Variants in NPAS2 observed in about 807,000 individuals in gnomAD.
NPAS2 encodes neuronal PAS domain-containing protein 2.
A neutral mutation model predicts 107.5 loss-of-function variants in NPAS2; 23 were observed. The ratio of observed to expected loss-of-function variants is 0.21; its 90% CI spans 0.15 to 0.30. The LOEUF is 0.30. NPAS2 is among the 10% of genes least tolerant of loss of function. NPAS2 has a pLI of 1.00. For missense variants in NPAS2, 756 were observed against 1,043.3 expected (o/e 0.72, Z 3.79); for synonymous variants, 403 against 417.5 (o/e 0.97, Z 0.42).
At chr2:100,909,218 A>T (rs1427132645) in intron 2 of NPAS2, among the ~76,000 whole-genome samples, 2 of 152,360 alleles carry the variant, frequency 1.3e-5, no homozygotes, top group East Asian at 3.9e-4. Context: ...ATGAGGATAC[A>T]TAGCATTATC....
At position 100,840,031 on chromosome 2, in the gene NPAS2, C is replaced by T. The variant is rs146310264; in HGVS notation, c.-23+19617C>T. Among the ~76,000 whole-genome samples, 249 of 152,280 alleles carry T rather than the reference C, an allele frequency of 1.6e-3. 1 individual carries two copies. The highest frequency in any genetic ancestry group is 5.8e-3 in the African/African-American group (240 of 41,558). On this transcript the variant is annotated intron_variant, in intron 1 of 20. Coordinates refer to ENST00000335681, the MANE Select transcript of NPAS2 (RefSeq NM_002518.4). ...TATATTCAGGGAATTTTATGCTTTA[C>T]ATGAACAGCAGATGTTAGTGGCATT... is the stretch of plus-strand genomic sequence containing the variant.
At chr2:100,894,903 G>T (rs1254261413) in intron 1 of NPAS2, among the ~76,000 whole-genome samples, 3 of 152,210 alleles carry the variant, frequency 2.0e-5, no homozygotes, top group Non-Finnish European at 4.4e-5. Context: ...CTGAGTGGAG[G>T]AATGTACTTG....
intron 1 of NPAS2, among the ~76,000 whole-genome samples, chr2:100,841,436 G>A (rs1248771645): frequency 5.3e-5 from 8 of 152,256 alleles, no homozygotes; most frequent in East Asian, 3.9e-4. Flanking sequence ...GCGAAACTCC[G>A]TCTCAAAAGA....
intron 7 of NPAS2, among the ~76,000 whole-genome samples, chr2:100,963,113 G>T (rs569080209): frequency 7.9e-5 from 12 of 152,366 alleles, no homozygotes; most frequent in Non-Finnish European, 1.5e-4. Flanking sequence ...TTCCTCTGGG[G>T]GTGACCCCTA....
intron 19 of NPAS2, among the ~76,000 whole-genome samples, chr2:100,991,641 G>A (rs747127988): frequency 7.9e-5 from 12 of 152,128 alleles, no homozygotes; most frequent in Admixed American, 2.6e-4. Context: ...AGAGAGTAAC[G>A]GCAGATGGTT....
intron 16 of NPAS2, 21 bp downstream of exon 16, chr2:100,982,398 GCCT>G: frequency 6.2e-7 from 1 of 1,612,032 alleles, no homozygotes; most frequent in Non-Finnish European, 8.5e-7. Flanking sequence ...TCCCGGGCTG[GCCT>G]CTGTCCCTGC....
rs546232805 is a variant in NPAS2 at position 100,912,495 on chromosome 2, T to G, written c.32+7709T>G. 3.3e-5 allele frequency among the ~76,000 whole-genome samples: 5 copies of G among 152,312 alleles called. No individual in the cohort carries two copies. The South Asian group carries it at 1.0e-3, about 32-fold the overall frequency. ...AATGTGAGGGATTAAAGCAATGGCA[T>G]TCATTTTGCTCATGGATCTTTGACT... On this transcript the variant is annotated intron_variant, in intron 2 of 20. Coordinates refer to ENST00000335681, the MANE Select transcript of NPAS2 (RefSeq NM_002518.4).
At chr2:100,854,065 A>C (rs1404957043) in intron 1 of NPAS2, among the ~76,000 whole-genome samples, 1 of 148,464 alleles carries the variant, frequency 6.7e-6, no homozygotes, top group African/African-American at 2.5e-5. Context: ...TTGGGAGATC[A>C]GTTGAGCCTG....
intron 3 of NPAS2, among the ~76,000 whole-genome samples, chr2:100,930,045 A>G (rs1404751139): frequency 6.6e-6 from 1 of 152,262 alleles, no homozygotes; most frequent in African/African-American, 2.4e-5. Flanking sequence ...ATTTTGTAAC[A>G]GTAGCTATTA....
Position 100,996,455 on chromosome 2 carries a change from G to T in NPAS2, c.*873G>T, listed in dbSNP as rs1159487739. On this transcript the variant is annotated 3_prime_UTR_variant, in exon 21 of 21. Coordinates refer to ENST00000335681, the MANE Select transcript of NPAS2 (RefSeq NM_002518.4). ...TTTTACAAGCCAGACAGGCCTGGGGGACTGCAGTCCCCAAGGAGACCCTGC... is the reference window on the plus strand; with the variant it reads ...TTTTACAAGCCAGACAGGCCTGGGGTACTGCAGTCCCCAAGGAGACCCTGC... The T allele has an allele frequency of 6.5e-6, 1 of 152,810 alleles. No homozygotes were observed. The highest frequency in any genetic ancestry group is 1.9e-4 in the East Asian group (1 of 5,200). The allele number at this position is 152,810 out of a possible 1,614,324, so 9.5% of individuals were successfully genotyped here.
At chr2:100,864,092 A>C (rs1679103776) in intron 1 of NPAS2, among the ~76,000 whole-genome samples, 1 of 152,204 alleles carries the variant, frequency 6.6e-6, no homozygotes, top group Admixed American at 6.5e-5. Flanking sequence ...CAGTAGCTAG[A>C]TGCTTGGTGG....
At chr2:100,925,733 T>C (rs1388872919) in intron 3 of NPAS2, among the ~76,000 whole-genome samples, 1 of 152,128 alleles carries the variant, frequency 6.6e-6, no homozygotes, top group African/African-American at 2.4e-5. Flanking sequence ...CGCTACATCA[T>C]GAAAAAATAC....
At chr2:100,902,855 C>T (rs1417828504) in intron 1 of NPAS2, among the ~76,000 whole-genome samples, 1 of 152,176 alleles carries the variant, frequency 6.6e-6, no homozygotes, top group Non-Finnish European at 1.5e-5. Flanking sequence ...ACACTGGGTG[C>T]AGCTCAGCTG....
At chr2:100,932,860 A>G in intron 3 of NPAS2, 50 bp from the exon 4 acceptor site, 1 of 1,288,822 alleles carries the variant, frequency 7.8e-7, no homozygotes, top group Non-Finnish European at 1.1e-6. Context: ...TGTTAATTCC[A>G]ATTTCTAGGT....
chr2:100,983,091 G>A (rs1677559622), intron 16 of NPAS2: 1 of 152,244 alleles, frequency 6.6e-6, no homozygotes, highest in African/African-American at 2.4e-5. Context: ...AGAAGTGCCT[G>A]ATTCTGACCC....
chr2:100,964,871 T>C lies in NPAS2; in HGVS notation c.728T>C (p.Ile243Thr). ...CTGCTTCCAATACAGGAAATGTGCA[T>C]AGTTGACGAACCTTTAGAGGAATTC... The part of the protein sequence containing the change: ...ATPQFLKEMC[I>T]VDEPLEEFTS... The change falls in exon 9 of 21, where the codon ATA becomes ACA. Residue 243 changes from isoleucine to threonine, a missense_variant. Ile to Thr is a moderately conservative substitution (Grantham distance 89). This residue lies in a region of NPAS2 where 84 missense variants were observed against 175.5 expected (regional missense o/e 0.48). Transcript: ENST00000335681. 1 of 1,576,228 alleles carries C rather than the reference T, an allele frequency of 6.3e-7. No individual in the cohort carries two copies. The highest frequency in any genetic ancestry group is 8.6e-7 in the Non-Finnish European group (1 of 1,168,972).
At chr2:100,982,142 G>T in intron 15 of NPAS2, 89 bp from the exon 16 acceptor site, 1 of 1,475,602 alleles carries the variant, frequency 6.8e-7, no homozygotes, top group Non-Finnish European at 9.3e-7. Context: ...GGACGGAAAT[G>T]AAGTGTACAG....
At chr2:100,944,142 A>C (rs1674747187) in intron 5 of NPAS2, among the ~76,000 whole-genome samples, 1 of 152,128 alleles carries the variant, frequency 6.6e-6, no homozygotes, top group Non-Finnish European at 1.5e-5. Context: ...TATGCCTCCA[A>C]CTTCCTGGAC....
At position 100,976,785 on chromosome 2, in the gene NPAS2, T is replaced by A. The variant is rs952398872; in HGVS notation, c.1393-925T>A. ...CATTCTTCCAGACTCTCCTGTCCAG[T>A]GTGACTCACTTTGCCAACAACGGAG... On this transcript the variant is annotated intron_variant, in intron 14 of 20. Coordinates refer to ENST00000335681, the MANE Select transcript of NPAS2 (RefSeq NM_002518.4). The surrounding 1 kb of genome is among the most constrained non-coding windows in gnomAD (Gnocchi z 4.1). 6.6e-6 allele frequency: 1 copy of A among 152,236 alleles called. No individual in the cohort carries two copies. The highest frequency in any genetic ancestry group is 1.5e-5 in the Non-Finnish European group (1 of 68,088). 9.4% of individuals were successfully genotyped at this position (152,236 alleles called of 1,614,324 possible).
Sources: allele counts gnomAD v4.1 joint callset (sites outside exome capture counted in the v4.1 genomes callset), GRCh38; gene constraint gnomAD v4.1.1; regional missense constraint gnomAD v4.1.1; non-coding constraint Gnocchi (gnomAD v3.1); transcripts MANE v1.5; gene names NCBI Gene and HGNC (gene_info 2026-07-23, HGNC 2026-07-21).